The following TERT variants were observed in gnomAD, a reference collection of about 807,000 sequenced individuals.
TERT encodes telomerase catalytic subunit.
A neutral mutation model predicts 104.0 loss-of-function variants in TERT; 42 were observed. That is an observed-to-expected ratio of 0.40 (90% CI 0.32 to 0.52). The LOEUF is 0.52. Ranked by LOEUF, TERT falls within the 20% of genes least tolerant of loss-of-function variation. The pLI is 0.43. For synonymous variants in TERT, 781 were observed against 725.6 expected (o/e 1.08, Z -1.23); for missense variants, 1,101 against 1,610.3 (o/e 0.68, Z 5.41).
Position 1,270,769 on chromosome 5 carries a change from G to T in TERT, c.2468+350C>A, listed in dbSNP as rs755131705. 1.1e-3 allele frequency among the ~76,000 whole-genome samples: 162 copies of T among 152,232 alleles called. No homozygotes were observed. The highest frequency in any genetic ancestry group is 2.0e-3 in the Non-Finnish European group (137 of 68,050). On this transcript the variant is annotated intron_variant, in intron 8 of 15. Transcript: ENST00000310581. This position sits in a 1 kb window ranked among gnomAD's most constrained non-coding sequence, Gnocchi z 8.3. ...AGCGTGTGAGAGCCGGGTGTCCAGC[G>T]TCAGTAGTAACTTGGAGCTGACAAG...
At position 1,279,437 on chromosome 5, in the gene TERT, A is replaced by C. The variant is rs1475280932; in HGVS notation, c.1984T>G (p.Phe662Val). The change falls in exon 5 of 16, where the codon TTC becomes GTC. Residue 662 changes from phenylalanine to valine, a missense_variant. Phe to Val is a conservative substitution (Grantham distance 50). Transcript: ENST00000310581. Reference protein sequence around the residue: ...ERLTSRVKALFSVLNYERARR... With the variant: ...ERLTSRVKALVSVLNYERARR... The stretch of plus-strand genomic sequence containing the variant: ...GCCCGCTCGTAGTTGAGCACGCTGA[A>C]CAGTGCCTTCACCCTCGAGGTGAGA... The C allele has an allele frequency of 6.4e-7, 1 of 1,550,742 alleles. No homozygotes were observed. The highest frequency in any genetic ancestry group is 1.4e-5 in the African/African-American group (1 of 73,122).
chr5:1,259,969 G>A (rs903093008), intron 12 of TERT, among the ~76,000 whole-genome samples: 1 of 151,460 alleles, frequency 6.6e-6, no homozygotes, highest in East Asian at 2.0e-4. Context: ...GAGGGGGAGT[G>A]GACACAGAAG....
rs1320832800 is a variant in TERT at position 1,257,999 on chromosome 5, G to A, written c.3032+599C>T. On this transcript the variant is annotated intron_variant, in intron 13 of 15. Transcript: ENST00000310581. This position sits in a 1 kb window ranked among gnomAD's most constrained non-coding sequence, Gnocchi z 5.6. ...ACTCCAGGCAGAAGCTGGCCCTGTG[G>A]CCTCCACAGATTGGCCCTTCCCTCT... Among the ~76,000 whole-genome samples the A allele has an allele frequency of 1.3e-5, 2 of 152,326 alleles. No individual in the cohort carries two copies. Among genetic ancestry groups the A allele is most frequent in the East Asian group, 1.9e-4 (1 of 5,170 alleles).
chr5:1,268,710 A>T lies in TERT; in HGVS notation c.2469-77T>A, dbSNP rs1748807097. ...CGTACACTCAAACCGAGCCACACAC[A>T]GACACAGAACCTCATACACACAAAC... On this transcript the variant is annotated intron_variant, in intron 8 of 15. Transcript: ENST00000310581. The surrounding 1 kb of genome is among the most constrained non-coding windows in gnomAD (Gnocchi z 5.5). The T allele has an allele frequency of 2.0e-6, 2 of 980,890 alleles. No individual in the cohort carries two copies. Among genetic ancestry groups the T allele is most frequent in the Admixed American group, 3.7e-5 (2 of 54,722 alleles). The allele number at this position is 980,890 out of a possible 1,614,324, so 60.8% of individuals were successfully genotyped here.
At chr5:1,278,919 C>A in intron 5 of TERT, 123 bp from the exon 6 acceptor site, 1 of 1,376,218 alleles carries the variant, frequency 7.3e-7, no homozygotes, top group South Asian at 1.2e-5. Context: ...ACTCCAGACC[C>A]CAAGGGCAGG....
In TERT at chr5:1,256,277, G is replaced by C. The variant is rs1374788190; in HGVS notation, c.3033-866C>G. On this transcript the variant is annotated intron_variant, in intron 13 of 15. Transcript: ENST00000310581. This position sits in a 1 kb window ranked among gnomAD's most constrained non-coding sequence, Gnocchi z 7.0. ...GATCCTCTCGCCTCGGCCTCCCAAA[G>C]TGCTGGGACTACAGGTGTGAGCCAC... is the stretch of plus-strand genomic sequence containing the variant. 6.6e-6 allele frequency among the ~76,000 whole-genome samples: 1 copy of C among 152,172 alleles called. No homozygotes were observed. Among genetic ancestry groups the C allele is most frequent in the Non-Finnish European group, 1.5e-5 (1 of 68,040 alleles).
rs1267550860 is a variant in TERT, at chr5:1,261,681, G to A, written c.2844-1081C>T. Among the ~76,000 whole-genome samples, 1 of 152,178 alleles carries A rather than the reference G, an allele frequency of 6.6e-6. No homozygotes were observed. The highest frequency in any genetic ancestry group is 1.5e-5 in the Non-Finnish European group (1 of 68,026). ...ATGCATTTCTTTGACGCTGCTGGTA[G>A]GACCTTCCCAAGTGTGCATCAGACG... On this transcript the variant is annotated intron_variant, in intron 11 of 15. Transcript: ENST00000310581. This position sits in a 1 kb window ranked among gnomAD's most constrained non-coding sequence, Gnocchi z 7.4.
chr5:1,289,792 G>A (rs1305577294), intron 2 of TERT, among the ~76,000 whole-genome samples: 5 of 105,848 alleles, frequency 4.7e-5, no homozygotes, highest in East Asian at 2.9e-4. Context: ...AGGGACACCC[G>A]GGGACCGCGC....
rs1249225010 is a variant in TERT, at chr5:1,286,449, G to A, written c.1574-3825C>T. On this transcript the variant is annotated intron_variant, in intron 2 of 15. Coordinates refer to ENST00000310581, the MANE Select transcript of TERT (RefSeq NM_198253.3). This position sits in a 1 kb window ranked among gnomAD's most constrained non-coding sequence, Gnocchi z 5.3. ...AATATTAATAATGCTTAGCTTGTGG[G>A]GGTGTCAAGATGCCTGAGATAGAAC... 3.3e-5 allele frequency among the ~76,000 whole-genome samples: 5 copies of A among 152,284 alleles called. No individual in the cohort carries two copies. Among genetic ancestry groups the A allele is most frequent in the African/African-American group, 9.6e-5 (4 of 41,542 alleles).
At chr5:1,291,581 C>T (rs1266955976) in intron 2 of TERT, among the ~76,000 whole-genome samples, 4 of 129,102 alleles carry the variant, frequency 3.1e-5, no homozygotes, top group Admixed American at 7.7e-5. Flanking sequence ...TCACCCTGCA[C>T]GTGACAGGGA....
chr5:1,275,398 A>G (rs1281793846), intron 6 of TERT, among the ~76,000 whole-genome samples: 1 of 148,644 alleles, frequency 6.7e-6, no homozygotes, highest in East Asian at 1.9e-4. Flanking sequence ...AAAAGAAAGA[A>G]AAAAAGAAAG....
rs973864855 is a variant in TERT, at chr5:1,270,920, G to A, written c.2468+199C>T. Among the ~76,000 whole-genome samples, 96 of 152,330 alleles carry A rather than the reference G, an allele frequency of 6.3e-4. No homozygotes were observed. Among genetic ancestry groups the A allele is most frequent in the Non-Finnish European group, 1.1e-3 (75 of 68,024 alleles). On this transcript the variant is annotated intron_variant, in intron 8 of 15. Coordinates refer to ENST00000310581, the MANE Select transcript of TERT (RefSeq NM_198253.3). The surrounding 1 kb of genome is among the most constrained non-coding windows in gnomAD (Gnocchi z 8.3). The stretch of plus-strand genomic sequence containing the variant: ...CCTCGTGTGGCACCTGCTCCGCTCC[G>A]GCTGCCGCAAGCCGAGCCATGTTTC...
chr5:1,258,945 G>A (rs2736121), intron 12 of TERT, among the ~76,000 whole-genome samples: 4 of 151,032 alleles, frequency 2.6e-5, no homozygotes, highest in Admixed American at 6.6e-5. Context: ...GGAGGTGGAC[G>A]CAGATGCCCA....
chr5:1,291,455 C>A (rs1307441722), intron 2 of TERT, among the ~76,000 whole-genome samples: 1 of 106,930 alleles, frequency 9.4e-6, no homozygotes, highest in Non-Finnish European at 1.9e-5. Context: ...TCACCCTACA[C>A]GTGACAGGGA....
rs563755585 is a variant in TERT at position 1,275,496 on chromosome 5, A to G, written c.2286+3145T>C. Among the ~76,000 whole-genome samples the G allele has an allele frequency of 2.6e-5, 4 of 152,284 alleles. No individual in the cohort carries two copies. In the South Asian group the frequency reaches 8.3e-4, roughly 32 times the overall value. On this transcript the variant is annotated intron_variant, in intron 6 of 15. Transcript: ENST00000310581. ...GCCAATGAACACAAGGAGGCCTGGA[A>G]GCCCTGCCCACCGGCCACACACCAC...
In TERT at chr5:1,270,839, C is replaced by G. The variant is rs1440163218; in HGVS notation, c.2468+280G>C. On this transcript the variant is annotated intron_variant, in intron 8 of 15. Coordinates refer to ENST00000310581, the MANE Select transcript of TERT (RefSeq NM_198253.3). The surrounding 1 kb of genome is among the most constrained non-coding windows in gnomAD (Gnocchi z 8.3). Reference sequence around the variant, plus strand: ...GCGCACACCTGACCCAGACACACCCCCCGCCCCTCGTCCTCCACGCAGGAG... The same window carrying G: ...GCGCACACCTGACCCAGACACACCCGCCGCCCCTCGTCCTCCACGCAGGAG... 6.6e-6 allele frequency among the ~76,000 whole-genome samples: 1 copy of G among 152,242 alleles called. No individual in the cohort carries two copies. Among genetic ancestry groups the G allele is most frequent in the Admixed American group, 6.5e-5 (1 of 15,290 alleles).
rs778093620 is a variant in TERT at position 1,255,572 on chromosome 5, CTGTG to C, written c.3033-165_3033-162del. 1.8e-4 allele frequency among the ~76,000 whole-genome samples: 27 copies of C among 152,220 alleles called. No homozygotes were observed. The highest frequency in any genetic ancestry group is 2.6e-4 in the Non-Finnish European group (18 of 68,044). The stretch of plus-strand genomic sequence containing the variant: ...CACACACGGATGCATGCATGCATGT[CTGTG>C]TGTGTGCTTGTGTGTGCGAGTAGCT... On this transcript the variant is annotated intron_variant, in intron 13 of 15. Coordinates refer to ENST00000310581, the MANE Select transcript of TERT (RefSeq NM_198253.3). The surrounding 1 kb of genome is among the most constrained non-coding windows in gnomAD (Gnocchi z 6.9).
chr5:1,283,664 AC>A (rs1750235149), intron 2 of TERT, among the ~76,000 whole-genome samples: 2 of 139,488 alleles, frequency 1.4e-5, no homozygotes, highest in Non-Finnish European at 1.5e-5. Flanking sequence ...CTCACGCCGG[AC>A]CTGCACCATC....
In TERT at chr5:1,268,725, T is replaced by A. The variant is rs897272953; in HGVS notation, c.2469-92A>T. 9.1e-5 allele frequency: 75 copies of A among 825,548 alleles called. No homozygotes were observed. Among genetic ancestry groups the A allele is most frequent in the South Asian group, 8.9e-4 (62 of 69,482 alleles). The allele number at this position is 825,548 out of a possible 1,614,324, so 51.1% of individuals were successfully genotyped here. ...AGCCACACACAGACACAGAACCTCA[T>A]ACACACAAACGACACGTCTACCATT... On this transcript the variant is annotated intron_variant, in intron 8 of 15. Transcript: ENST00000310581. The surrounding 1 kb of genome is among the most constrained non-coding windows in gnomAD (Gnocchi z 5.5).
Sources: allele counts gnomAD v4.1 joint callset (sites outside exome capture counted in the v4.1 genomes callset), GRCh38; gene constraint gnomAD v4.1.1; non-coding constraint Gnocchi (gnomAD v3.1); transcripts MANE v1.5; gene names NCBI Gene and HGNC (gene_info 2026-07-23, HGNC 2026-07-21).